Variants in TMEM108 observed in about 807,000 individuals in gnomAD.
TMEM108 encodes transmembrane protein 108.
TMEM108 carries 12 observed loss-of-function variants against 35.1 expected under a neutral mutation model. The ratio of observed to expected loss-of-function variants is 0.34; its 90% confidence interval spans 0.22 to 0.55. The LOEUF (loss-of-function observed/expected upper bound fraction) is 0.55, where lower values mean the gene tolerates loss of function less well. TMEM108 is among the 20% of genes least tolerant of loss of function. The pLI is 0.89. For synonymous variants in TMEM108, 287 were observed against 308.6 expected (o/e 0.93, Z 0.73); for missense variants, 680 against 753.3 (o/e 0.90, Z 1.14).
intron 2 of TMEM108, among the ~76,000 whole-genome samples, chr3:133,095,431 G>T (rs1944000526): frequency 6.6e-6 from 1 of 152,080 alleles, no homozygotes; most frequent in Non-Finnish European, 1.5e-5. Flanking sequence ...GGACTTGAGG[G>T]GTGGATGGTT....
At chr3:133,178,568 C>T (rs984374739) in intron 2 of TMEM108, among the ~76,000 whole-genome samples, 1 of 152,106 alleles carries the variant, frequency 6.6e-6, no homozygotes, top group Non-Finnish European at 1.5e-5. Flanking sequence ...AAAGGATTCC[C>T]TATTTAATAA....
intron 3 of TMEM108, among the ~76,000 whole-genome samples, chr3:133,343,458 A>G (rs998714039): frequency 1.3e-5 from 2 of 151,944 alleles, no homozygotes; most frequent in African/African-American, 2.4e-5. Context: ...ATATCTCCAA[A>G]CTGTTAAGAA....
At chr3:133,312,340 A>G (rs1455886411) in intron 3 of TMEM108, among the ~76,000 whole-genome samples, 1 of 152,194 alleles carries the variant, frequency 6.6e-6, no homozygotes, top group Admixed American at 6.5e-5. Flanking sequence ...ACCCACAGAG[A>G]TGGAGTCCTA....
intron 3 of TMEM108, chr3:133,378,463 A>T (rs2072907978): frequency 1.0e-6 from 1 of 985,370 alleles, no homozygotes; most frequent in Admixed American, 6.1e-5. Context: ...GCAGACAGAG[A>T]TCTCTCTCCA....
At position 133,159,966 on chromosome 3, in the gene TMEM108, A is replaced by G. The variant is rs116737202; in HGVS notation, c.-46-69300A>G. The stretch of plus-strand genomic sequence containing the variant: ...ATGGCTTGGCTCCTGATGTCACAGC[A>G]AGTAAGAATCCATGTTGAGAAGCAT... On this transcript the variant is annotated intron_variant, in intron 2 of 5. Transcript: ENST00000321871. 3.5e-3 allele frequency among the ~76,000 whole-genome samples: 532 copies of G among 152,344 alleles called. 3 individuals carry two copies. Among genetic ancestry groups the G allele is most frequent in the African/African-American group, 0.012 (504 of 41,586 alleles).
chr3:133,251,432 C>A (rs1164187913), intron 3 of TMEM108, among the ~76,000 whole-genome samples: 1 of 152,122 alleles, frequency 6.6e-6, no homozygotes, highest in Non-Finnish European at 1.5e-5. Flanking sequence ...TTTATTGTTT[C>A]AGTCAGTATA....
intron 3 of TMEM108, chr3:133,247,544 G>T (rs1219063121): frequency 6.6e-6 from 1 of 151,704 alleles, no homozygotes; most frequent in Non-Finnish European, 1.5e-5. Context: ...CTTTCATTAA[G>T]ATGCCACCTG....
chr3:133,162,878 A>T (rs1944981333), intron 2 of TMEM108, among the ~76,000 whole-genome samples: 1 of 152,238 alleles, frequency 6.6e-6, no homozygotes, highest in African/African-American at 2.4e-5. Context: ...TCCCAGCTGC[A>T]TTCTGTTTGT....
chr3:133,208,532 T>C (rs981044677), intron 2 of TMEM108, among the ~76,000 whole-genome samples: 3 of 152,162 alleles, frequency 2.0e-5, no homozygotes, highest in African/African-American at 7.2e-5. Context: ...TTATTTCTTC[T>C]ATTGATTTGG....
At chr3:133,055,459 G>A (rs565985733) in intron 2 of TMEM108, among the ~76,000 whole-genome samples, 1 of 152,192 alleles carries the variant, frequency 6.6e-6, no homozygotes, top group Non-Finnish European at 1.5e-5. Flanking sequence ...CTGAAAGATG[G>A]CCAAGAGCCA....
intron 4 of TMEM108, among the ~76,000 whole-genome samples, chr3:133,386,085 G>A (rs954079365): frequency 6.6e-6 from 1 of 152,212 alleles, no homozygotes; most frequent in African/African-American, 2.4e-5. Flanking sequence ...GCCAGTGGGA[G>A]TCCTTAAGCC....
At chr3:133,318,306 G>C (rs993416051) in intron 3 of TMEM108, among the ~76,000 whole-genome samples, 1 of 152,186 alleles carries the variant, frequency 6.6e-6, no homozygotes. Context: ...TGACAGCATA[G>C]GGGAGGAAAA....
Position 133,057,471 on chromosome 3 carries a change from A to G in TMEM108, c.-47+11451A>G, listed in dbSNP as rs1283594507. On this transcript the variant is annotated intron_variant, in intron 2 of 5. Transcript: ENST00000321871. ...TATATATATATATATATATATATAT[A>G]TATATATATATATATGTGGGTTTTC... 1.4e-3 allele frequency among the ~76,000 whole-genome samples: 56 copies of G among 39,258 alleles called. 1 individual carries two copies. The highest frequency in any genetic ancestry group is 3.3e-3 in the African/African-American group (48 of 14,452). The allele number at this position is 39,258 out of a possible 152,430, so 25.8% of individuals were successfully genotyped here.
At chr3:133,078,172 C>T (rs111423123) in intron 2 of TMEM108, among the ~76,000 whole-genome samples, 113 of 24,348 alleles carry the variant, frequency 4.6e-3, no homozygotes, top group African/African-American at 0.026. Flanking sequence ...CGCGCGCGCG[C>T]GCACACGTGT....
chr3:133,379,576 G>A, intron 3 of TMEM108, 176 bp from the exon 4 acceptor site: 1 of 660,554 alleles, frequency 1.5e-6, no homozygotes, highest in Non-Finnish European at 2.6e-6. Flanking sequence ...CTACCTAATA[G>A]ACCTGCCCCA....
At chr3:133,394,523 C>T (rs1372091308) in intron 5 of TMEM108, among the ~76,000 whole-genome samples, 2 of 152,046 alleles carry the variant, frequency 1.3e-5, no homozygotes, top group Non-Finnish European at 2.9e-5. Context: ...GAATAACTCT[C>T]TCTTTAATGC....
At chr3:133,280,550 G>A (rs748501410) in intron 3 of TMEM108, among the ~76,000 whole-genome samples, 13 of 152,098 alleles carry the variant, frequency 8.5e-5, no homozygotes, top group Non-Finnish European at 1.6e-4. Flanking sequence ...AGTAGGAAAC[G>A]TAATCCATTT....
chr3:133,354,299 C>G (rs1244066156), intron 3 of TMEM108, among the ~76,000 whole-genome samples: 3 of 152,170 alleles, frequency 2.0e-5, no homozygotes, highest in African/African-American at 7.2e-5. Context: ...AAGCTCTCAG[C>G]TGGGGATGTT....
At chr3:133,085,787 A>T (rs1323450525) in intron 2 of TMEM108, among the ~76,000 whole-genome samples, 1 of 151,962 alleles carries the variant, frequency 6.6e-6, no homozygotes, top group African/African-American at 2.4e-5. Context: ...TCATAGAAGA[A>T]TGGTGGTTTA....
Sources: gnomAD v4.1 joint callset for allele counts (sites outside exome capture counted in the v4.1 genomes callset) on GRCh38, gnomAD v4.1.1 for gene constraint, MANE v1.5 for transcripts, NCBI Gene and HGNC (gene_info 2026-07-23, HGNC 2026-07-21) for gene names.